ELAVL1: variants seen among roughly 807,000 people sequenced by gnomAD.
ELAVL1 encodes the protein ELAV-like protein 1.
In ELAVL1, 1 loss-of-function variant was observed where a neutral mutation model predicts 28.4. The ratio of observed to expected loss-of-function variants is 0.04; its 90% CI spans 0.01 to 0.17. ELAVL1 has a LOEUF of 0.17. Among genes scored for constraint, ELAVL1 ranks in the 10% least tolerant of loss-of-function variants. The pLI is 1.00. For synonymous variants in ELAVL1, 174 were observed against 183.5 expected, an observed-to-expected ratio of 0.95 and a Z score of 0.42; for missense variants, 157 against 447.2, an observed-to-expected ratio of 0.35 and a Z score of 5.85.
At chr19:7,986,871 T>C (rs1450421647) in intron 2 of ELAVL1, among the ~76,000 whole-genome samples, 2 of 152,158 alleles carry the variant, frequency 1.3e-5, no homozygotes, top group Non-Finnish European at 2.9e-5. Context: ...TGGCCATGAA[T>C]ACGTAAAGAA....
At chr19:7,968,688 G>C (rs1435484809) in intron 4 of ELAVL1, among the ~76,000 whole-genome samples, 1 of 152,270 alleles carries the variant, frequency 6.6e-6, no homozygotes, top group African/African-American at 2.4e-5. Flanking sequence ...TGAGACCTGA[G>C]GACCGTCCTG....
intron 1 of ELAVL1, among the ~76,000 whole-genome samples, chr19:7,997,173 G>A (rs1479020522): frequency 6.6e-6 from 1 of 152,062 alleles, no homozygotes; most frequent in Admixed American, 6.5e-5. Context: ...ACTTAGCATG[G>A]GATCCAGCAA....
intron 1 of ELAVL1, chr19:8,002,123 C>T (rs1477371324): frequency 7.8e-7 from 1 of 1,289,426 alleles, no homozygotes; most frequent in Non-Finnish European, 1.0e-6. Context: ...CCATCTCAGC[C>T]TTCTTGTCCC....
intron 5 of ELAVL1, among the ~76,000 whole-genome samples, chr19:7,964,817 C>T (rs1984910551): frequency 6.6e-6 from 1 of 152,198 alleles, no homozygotes; most frequent in Non-Finnish European, 1.5e-5. Flanking sequence ...AACTTTCTCA[C>T]ATTAAAAAAG....
rs1017002171 is a variant in ELAVL1, at chr19:7,981,712, T to G, written c.173-526A>C. 1.3e-5 allele frequency among the ~76,000 whole-genome samples: 2 copies of G among 152,172 alleles called. No homozygotes were observed. The highest frequency in any genetic ancestry group is 2.9e-5 in the Non-Finnish European group (2 of 68,046). ...GTAATTAAAATAACCCCAAAAGTTATTTACAAAGGAGTATTTTTTAAAAAT... is the reference window on the plus strand; with the variant it reads ...GTAATTAAAATAACCCCAAAAGTTAGTTACAAAGGAGTATTTTTTAAAAAT... On this transcript the variant is annotated intron_variant, in intron 2 of 5. Transcript: ENST00000407627. This position sits in a 1 kb window ranked among gnomAD's most constrained non-coding sequence, Gnocchi z 4.2.
In ELAVL1 at chr19:7,963,780, C is replaced by T; in HGVS notation, c.684G>A (p.Met228Ile). The T allele has an allele frequency of 1.2e-6, 2 of 1,614,052 alleles. No homozygotes were observed. The highest frequency in any genetic ancestry group is 1.7e-6 in the Non-Finnish European group (2 of 1,179,892). ...FRFSPMGVDHMSGLSGVNVPG... is the reference protein window; with the variant it reads ...FRFSPMGVDHISGLSGVNVPG... Reference sequence around the variant, plus strand: ...GCACGTTGACGCCAGAGAGCCCGCTCATGTGATCGACGCCCATGGGGGAGA... The same window carrying T: ...GCACGTTGACGCCAGAGAGCCCGCTTATGTGATCGACGCCCATGGGGGAGA... Residue 228 changes from methionine to isoleucine, a missense_variant, in exon 6 of 6, where the codon ATG becomes ATA. Transcript: ENST00000407627. The surrounding 1 kb of genome is among the most constrained non-coding windows in gnomAD (Gnocchi z 4.5).
chr19:7,978,796 G>A (rs1156303764), intron 3 of ELAVL1, among the ~76,000 whole-genome samples: 2 of 152,106 alleles, frequency 1.3e-5, no homozygotes, highest in Non-Finnish European at 2.9e-5. Context: ...TCTTGTTGGG[G>A]ACCGTGGCCT....
chr19:7,997,999 A>G (rs2081055236), intron 1 of ELAVL1, among the ~76,000 whole-genome samples: 1 of 152,178 alleles, frequency 6.6e-6, no homozygotes, highest in Admixed American at 6.5e-5. Context: ...AAGGTTTAAA[A>G]AGAGAACTTC....
chr19:8,004,427 C>T (rs987964941), intron 1 of ELAVL1, among the ~76,000 whole-genome samples: 1 of 152,116 alleles, frequency 6.6e-6, no homozygotes, highest in Non-Finnish European at 1.5e-5. Flanking sequence ...GGAAGAGACC[C>T]CTCCCCCGCA....
Position 7,973,462 on chromosome 19 carries a change from C to T in ELAVL1, c.430+263G>A, listed in dbSNP as rs1217130470. 7 of 508,408 alleles carry T rather than the reference C, an allele frequency of 1.4e-5. No homozygotes were observed. The Admixed American group carries it at 2.5e-4, about 18-fold the overall frequency. 31.5% of individuals were successfully genotyped at this position (508,408 alleles called of 1,614,324 possible). On this transcript the variant is annotated intron_variant, in intron 4 of 5. Coordinates refer to ENST00000407627, the MANE Select transcript of ELAVL1 (RefSeq NM_001419.3). ...GGTCAGGCTGGTCTCCATCTCCTGACCTCGTGATCCACCCACCTTGGCCTC... is the reference window on the plus strand; with the variant it reads ...GGTCAGGCTGGTCTCCATCTCCTGATCTCGTGATCCACCCACCTTGGCCTC...
At chr19:7,991,579 A>G in intron 2 of ELAVL1, 65 bp downstream of exon 2, 5 of 1,518,710 alleles carry the variant, frequency 3.3e-6, no homozygotes, top group Non-Finnish European at 4.5e-6. Context: ...GTCACAGGCA[A>G]AGGAGACAGT....
In ELAVL1 at chr19:7,998,134, C is replaced by T. The variant is rs140872791; in HGVS notation, c.-16-6303G>A. ...CCTGCCCTGCAAAGCAGTTTCATGA[C>T]GTTTCTGGGCCCCCACCCCACTCTC... On this transcript the variant is annotated intron_variant, in intron 1 of 5. Coordinates refer to ENST00000407627, the MANE Select transcript of ELAVL1 (RefSeq NM_001419.3). 3.0e-3 allele frequency among the ~76,000 whole-genome samples: 453 copies of T among 152,206 alleles called. 2 individuals are homozygous for T. Among genetic ancestry groups the T allele is most frequent in the Non-Finnish European group, 4.8e-3 (328 of 67,994 alleles).
intron 4 of ELAVL1, among the ~76,000 whole-genome samples, chr19:7,970,487 G>A (rs1028179930): frequency 2.0e-5 from 3 of 151,676 alleles, no homozygotes; most frequent in Admixed American, 6.6e-5. Flanking sequence ...TGCCATGTTG[G>A]CCAGGCAGGT....
intron 2 of ELAVL1, among the ~76,000 whole-genome samples, chr19:7,985,327 G>T (rs1427123006): frequency 6.6e-6 from 1 of 152,202 alleles, no homozygotes; most frequent in Non-Finnish European, 1.5e-5. Context: ...GTGCAAACGG[G>T]CCCCCAAGTT....
chr19:7,967,819 T>C, intron 4 of ELAVL1, 29 bp from the exon 5 acceptor site: 1 of 1,603,646 alleles, frequency 6.2e-7, no homozygotes, highest in Non-Finnish European at 8.5e-7. Context: ...AAAACGGAGT[T>C]AGGGGGAAAA....
Position 7,963,811 on chromosome 19 carries a change from GCAGA to G in ELAVL1, c.657-8_657-5del. 1 of 1,612,390 alleles carries G rather than the reference GCAGA, an allele frequency of 6.2e-7. No individual in the cohort carries two copies. The highest frequency in any genetic ancestry group is 8.5e-7 in the Non-Finnish European group (1 of 1,178,676). ...ATCGACGCCCATGGGGGAGAACCTGGCAGACAGAGAGCAAGCGTCAGGCCACGGT... is the reference window on the plus strand; with the variant it reads ...ATCGACGCCCATGGGGGAGAACCTGGCAGAGAGCAAGCGTCAGGCCACGGT... On this transcript the variant is annotated splice_polypyrimidine_tract_variant and splice_region_variant and intron_variant, in intron 5 of 5. Coordinates refer to ENST00000407627, the MANE Select transcript of ELAVL1 (RefSeq NM_001419.3). This position sits in a 1 kb window ranked among gnomAD's most constrained non-coding sequence, Gnocchi z 4.5.
At chr19:7,968,689 G>A (rs898741358) in intron 4 of ELAVL1, among the ~76,000 whole-genome samples, 3 of 152,248 alleles carry the variant, frequency 2.0e-5, no homozygotes, top group African/African-American at 7.2e-5. Context: ...GAGACCTGAG[G>A]ACCGTCCTGC....
intron 3 of ELAVL1, among the ~76,000 whole-genome samples, chr19:7,978,975 G>A (rs553667500): frequency 1.3e-5 from 2 of 152,332 alleles, no homozygotes; most frequent in Admixed American, 6.5e-5. Flanking sequence ...AACTGGGGAT[G>A]GCAGGGGATC....
intron 2 of ELAVL1, among the ~76,000 whole-genome samples, chr19:7,985,925 G>A (rs1485066867): frequency 6.6e-6 from 1 of 152,198 alleles, no homozygotes; most frequent in Non-Finnish European, 1.5e-5. Context: ...CTGGCCCAGG[G>A]ACTGTACCCT....
Sources: allele counts gnomAD v4.1 joint callset (sites outside exome capture counted in the v4.1 genomes callset), GRCh38; gene constraint gnomAD v4.1.1; non-coding constraint Gnocchi (gnomAD v3.1); transcripts MANE v1.5; gene names NCBI Gene and HGNC (gene_info 2026-07-23, HGNC 2026-07-21).